The following PKNOX2 variants were observed in gnomAD, a reference collection of about 807,000 sequenced individuals.
The protein encoded by PKNOX2 is PBX/knotted 1 homeobox 2.
A neutral mutation model predicts 53.1 loss-of-function variants in PKNOX2; 14 were observed. The observed-to-expected ratio is 0.26, with a 90% confidence interval of 0.17 to 0.41. The LOEUF (loss-of-function observed/expected upper bound fraction) is 0.41, where lower values mean the gene tolerates loss of function less well. Among genes scored for constraint, PKNOX2 ranks in the 10% least tolerant of loss-of-function variants. The pLI, the probability that PKNOX2 is intolerant of heterozygous loss-of-function variation, is 1.00. For missense variants in PKNOX2, 496 were observed against 602.8 expected (o/e 0.82, Z 1.85); for synonymous variants, 257 against 242.8 (o/e 1.06, Z -0.54).
intron 2 of PKNOX2, among the ~76,000 whole-genome samples, chr11:125,237,757 T>A (rs555260726): frequency 1.3e-5 from 2 of 152,288 alleles, no homozygotes; most frequent in South Asian, 4.2e-4. Flanking sequence ...TCAGGGTCGA[T>A]CTCAACAAGA....
chr11:125,232,123 C>T (rs1314524293), intron 1 of PKNOX2, among the ~76,000 whole-genome samples: 1 of 152,218 alleles, frequency 6.6e-6, no homozygotes, highest in African/African-American at 2.4e-5. Context: ...TAGTCCTAAT[C>T]CTATCCTCTA....
chr11:125,329,039 T>C (rs1462219338), intron 2 of PKNOX2, among the ~76,000 whole-genome samples: 1 of 152,024 alleles, frequency 6.6e-6, no homozygotes, highest in Non-Finnish European at 1.5e-5. Flanking sequence ...GGAGCAAGAG[T>C]CCACTGCAAG....
chr11:125,304,006 G>T (rs1241450069), intron 2 of PKNOX2, among the ~76,000 whole-genome samples: 1 of 152,232 alleles, frequency 6.6e-6, no homozygotes, highest in East Asian at 1.9e-4. Flanking sequence ...ACCTCAAAAG[G>T]CTTCTTTAGG....
intron 10 of PKNOX2, among the ~76,000 whole-genome samples, chr11:125,412,782 G>A (rs1397902178): frequency 1.3e-5 from 2 of 152,194 alleles, no homozygotes; most frequent in Non-Finnish European, 2.9e-5. Context: ...TCCATTGGCT[G>A]GAGAACTGTG....
rs1053263842 is a variant in PKNOX2 at position 125,432,734 on chromosome 11, C to G, written c.*1342C>G. On this transcript the variant is annotated 3_prime_UTR_variant, in exon 13 of 13. Transcript: ENST00000298282. ...ACCCTCTCCTCCGGTTCCCTCTCAC[C>G]CCATGGCTGTGAATGACAGGACAGG... 6.5e-5 allele frequency: 10 copies of G among 152,756 alleles called. No individual in the cohort carries two copies. Among genetic ancestry groups the G allele is most frequent in the African/African-American group, 2.4e-4 (10 of 41,472 alleles). The allele number at this position is 152,756 out of a possible 1,614,324, so 9.5% of individuals were successfully genotyped here.
chr11:125,383,536 G>A (rs908240005), intron 5 of PKNOX2, among the ~76,000 whole-genome samples: 4 of 151,432 alleles, frequency 2.6e-5, no homozygotes, highest in Non-Finnish European at 4.4e-5. Flanking sequence ...AGGATCACTT[G>A]AACCCTGGAG....
At position 125,343,601 on chromosome 11, in the gene PKNOX2, C is replaced by T. The variant is rs187516468; in HGVS notation, c.-22-7683C>T. Among the ~76,000 whole-genome samples, 183 of 152,330 alleles carry T rather than the reference C, an allele frequency of 1.2e-3. No individual in the cohort carries two copies. In the South Asian group the frequency reaches 0.024, roughly 20 times the overall value. On this transcript the variant is annotated intron_variant, in intron 3 of 12. Coordinates refer to ENST00000298282, the MANE Select transcript of PKNOX2 (RefSeq NM_001382323.2). ...TTGGATGAAAGGAATTATTGTTAAG[C>T]TCCTCGGTAGGAAGATCTAATGGAC...
chr11:125,404,353 C>T (rs888428811), intron 7 of PKNOX2, among the ~76,000 whole-genome samples: 9 of 152,200 alleles, frequency 5.9e-5, no homozygotes, highest in Non-Finnish European at 1.2e-4. Context: ...TCCTTAAGAG[C>T]AGCAGCTGCT....
intron 7 of PKNOX2, among the ~76,000 whole-genome samples, chr11:125,400,700 TC>T (rs1342315250): frequency 6.6e-6 from 1 of 152,156 alleles, no homozygotes; most frequent in Non-Finnish European, 1.5e-5. Flanking sequence ...CCAGGAGGAC[TC>T]CCTGATGCCC....
intron 2 of PKNOX2, among the ~76,000 whole-genome samples, chr11:125,263,942 C>G (rs1591503537): frequency 6.6e-6 from 1 of 152,162 alleles, no homozygotes; most frequent in African/African-American, 2.4e-5. Context: ...TCCTGGCTTC[C>G]TTCTCCGCAC....
chr11:125,275,934 T>C (rs185445102), intron 2 of PKNOX2, among the ~76,000 whole-genome samples: 18 of 151,968 alleles, frequency 1.2e-4, no homozygotes, highest in Middle Eastern at 3.4e-3. Flanking sequence ...AAAGATCACA[T>C]AGGGAGAGAG....
chr11:125,385,766 C>T (rs752633484), intron 6 of PKNOX2, 44 bp downstream of exon 6: 1 of 1,570,198 alleles, frequency 6.4e-7, no homozygotes, highest in South Asian at 1.2e-5. Context: ...TCTTCCTACC[C>T]TCTGACCCCC....
chr11:125,223,579 G>T (rs1941417861), intron 1 of PKNOX2, among the ~76,000 whole-genome samples: 1 of 152,168 alleles, frequency 6.6e-6, no homozygotes, highest in African/African-American at 2.4e-5. Flanking sequence ...AGGTAACTTA[G>T]TCTGTTAGAA....
intron 2 of PKNOX2, among the ~76,000 whole-genome samples, chr11:125,255,164 C>T (rs528477910): frequency 3.9e-5 from 6 of 152,296 alleles, no homozygotes; most frequent in Admixed American, 2.6e-4. Flanking sequence ...CTGGTTAGTG[C>T]GCTTAGCAGG....
At chr11:125,423,427 G>A (rs930294990) in intron 10 of PKNOX2, among the ~76,000 whole-genome samples, 1 of 152,032 alleles carries the variant, frequency 6.6e-6, no homozygotes, top group African/African-American at 2.4e-5. Flanking sequence ...AGAGCAACCT[G>A]CCTCTAGGTG....
At chr11:125,207,728 A>T (rs1269373085) in intron 1 of PKNOX2, among the ~76,000 whole-genome samples, 1 of 151,934 alleles carries the variant, frequency 6.6e-6, no homozygotes, top group African/African-American at 2.4e-5. Context: ...GGTGGAAGAG[A>T]TTGGAGACGG....
At chr11:125,189,447 GTATATA>G (rs58968290) in intron 1 of PKNOX2, among the ~76,000 whole-genome samples, 154 of 23,322 alleles carry the variant, frequency 6.6e-3, no homozygotes, top group African/African-American at 7.6e-3. Flanking sequence ...GTGTGTGTGT[GTATATA>G]TATATATATA....
chr11:125,296,176 CT>C (rs1226557092), intron 2 of PKNOX2, among the ~76,000 whole-genome samples: 2 of 151,608 alleles, frequency 1.3e-5, no homozygotes, highest in African/African-American at 4.8e-5. Context: ...TCTTCTCAGC[CT>C]TTTTTTTTCC....
chr11:125,371,103 TG>T (rs1328826438), intron 5 of PKNOX2, among the ~76,000 whole-genome samples: 2 of 152,018 alleles, frequency 1.3e-5, no homozygotes, highest in African/African-American at 4.8e-5. Flanking sequence ...AACTGTGGGG[TG>T]GGGGACGGAG....
Sources: gnomAD v4.1 joint callset for allele counts (sites outside exome capture counted in the v4.1 genomes callset) on GRCh38, gnomAD v4.1.1 for gene constraint, MANE v1.5 for transcripts, NCBI Gene and HGNC (gene_info 2026-07-23, HGNC 2026-07-21) for gene names.